GLRA2: variants seen among roughly 807,000 people sequenced by gnomAD.
GLRA2 encodes glycine receptor subunit alpha-2.
GLRA2 carries 11 observed loss-of-function variants against 31.6 expected under a neutral mutation model. That is an observed-to-expected ratio of 0.35 (90% CI 0.22 to 0.58). The LOEUF is 0.58. Ranked by LOEUF, GLRA2 falls within the 20% of genes least tolerant of loss-of-function variation. The pLI is 0.84. For synonymous variants in GLRA2, 132 were observed against 134.0 expected (o/e 0.99, Z 0.10); for missense variants, 212 against 351.8 (o/e 0.60, Z 3.18).
chrX:14,562,894 T>C (rs1473484852), intron 2 of GLRA2, among the ~76,000 whole-genome samples: 1 of 111,707 alleles, frequency 9.0e-6, no homozygotes, highest in Non-Finnish European at 1.9e-5. Flanking sequence ...ATTCAGCCTA[T>C]GACAATGCTC....
At chrX:14,680,396 CTTAG>C (rs1412666210) in intron 7 of GLRA2, among the ~76,000 whole-genome samples, 4 of 112,031 alleles carry the variant, frequency 3.6e-5, no homozygotes, top group Non-Finnish European at 7.5e-5. Flanking sequence ...AAGATACCAA[CTTAG>C]TTAATCATAA....
intron 7 of GLRA2, among the ~76,000 whole-genome samples, chrX:14,624,357 C>T (rs2090562411): frequency 9.0e-6 from 1 of 111,520 alleles, no homozygotes; most frequent in African/African-American, 3.3e-5. Context: ...TCCTTCAGTT[C>T]TGCTCTGATC....
chrX:14,576,249 A>T (rs776385314), intron 3 of GLRA2, among the ~76,000 whole-genome samples: 1 of 111,504 alleles, frequency 9.0e-6, no homozygotes. Context: ...TTTTGATATT[A>T]TTCTGAAACA....
intron 7 of GLRA2, among the ~76,000 whole-genome samples, chrX:14,648,136 T>G (rs1208579440): frequency 8.9e-6 from 1 of 112,530 alleles, no homozygotes; most frequent in Non-Finnish European, 1.9e-5. Flanking sequence ...ATTGTATTCC[T>G]TTGTTTATGT....
chrX:14,544,594 A>T (rs2089453280), intron 2 of GLRA2, among the ~76,000 whole-genome samples: 2 of 111,642 alleles, frequency 1.8e-5, no homozygotes, highest in Non-Finnish European at 3.8e-5. Context: ...ACTTGTGCAG[A>T]TTTAAGATTA....
chrX:14,480,146 G>T, the GLRA2 span, among the ~76,000 whole-genome samples: 1 of 111,561 alleles, frequency 9.0e-6, no homozygotes, highest in Non-Finnish European at 1.9e-5. Context: ...TTTCATGTTT[G>T]TCTGTGTATA....
chrX:14,721,252 T>A (rs2091862042), intron 8 of GLRA2, among the ~76,000 whole-genome samples: 1 of 111,098 alleles, frequency 9.0e-6, no homozygotes, highest in Non-Finnish European at 1.9e-5. Flanking sequence ...GTTTTAGAGA[T>A]GTATTGCATA....
In GLRA2 at chrX:14,629,690, A is replaced by T. The variant is rs1012349264; in HGVS notation, c.930+20485A>T. On this transcript the variant is annotated intron_variant, in intron 7 of 8. Coordinates refer to ENST00000218075, the MANE Select transcript of GLRA2 (RefSeq NM_002063.4). ...GTAAACTTTTCCTACCTTCTTTTGG[A>T]TATCGTATTTTTTAATGCATGTAGC... Among the ~76,000 whole-genome samples the T allele has an allele frequency of 2.7e-5, 3 of 110,730 alleles. No homozygotes were observed. In the South Asian group the frequency reaches 1.1e-3, roughly 42 times the overall value.
chrX:14,460,513 G>T, the GLRA2 span, among the ~76,000 whole-genome samples: 1 of 111,597 alleles, frequency 9.0e-6, no homozygotes, highest in Admixed American at 9.5e-5. Context: ...GGGCTGTTTT[G>T]GTTGGTTGGC....
chrX:14,524,742 T>G (rs770573325), upstream of GLRA2, among the ~76,000 whole-genome samples: 7 of 105,238 alleles, frequency 6.7e-5, no homozygotes, highest in Non-Finnish European at 1.2e-4. Context: ...TTCAACATAT[T>G]TGTGTGTGTG....
chrX:14,537,229 T>A (rs2089338075), intron 2 of GLRA2, among the ~76,000 whole-genome samples: 1 of 111,706 alleles, frequency 9.0e-6, no homozygotes, highest in Non-Finnish European at 1.9e-5. Context: ...AATGTTGTGT[T>A]TGTATATGCA....
chrX:14,463,086 C>T, the GLRA2 span, among the ~76,000 whole-genome samples: 8 of 111,772 alleles, frequency 7.2e-5, no homozygotes, highest in African/African-American at 2.6e-4. Flanking sequence ...TGTTAGTTTT[C>T]CTTCTAGCAG....
At chrX:14,620,053 A>G (rs1031383770) in intron 7 of GLRA2, among the ~76,000 whole-genome samples, 1 of 108,675 alleles carries the variant, frequency 9.2e-6, no homozygotes, top group African/African-American at 3.3e-5. Flanking sequence ...GGCTGCATAT[A>G]GTATGTTATT....
chrX:14,505,589 A>G, the GLRA2 span, among the ~76,000 whole-genome samples: 1 of 112,008 alleles, frequency 8.9e-6, no homozygotes, highest in Non-Finnish European at 1.9e-5. Context: ...ACATCTGGCC[A>G]TGGGTTAGAC....
intron 7 of GLRA2, among the ~76,000 whole-genome samples, chrX:14,667,734 C>T (rs909333955): frequency 9.0e-6 from 1 of 110,822 alleles, no homozygotes; most frequent in Non-Finnish European, 1.9e-5. Context: ...CAAATTTTTC[C>T]AAATTCTGGA....
At chrX:14,587,704 A>C (rs1046975712) in intron 4 of GLRA2, among the ~76,000 whole-genome samples, 7 of 111,844 alleles carry the variant, frequency 6.3e-5, no homozygotes, top group Admixed American at 2.9e-4. Flanking sequence ...TATCAGATGC[A>C]TAGTTTGTGA....
At chrX:14,531,090 A>C in intron 1 of GLRA2, 1 of 950,022 alleles carries the variant, frequency 1.1e-6, no homozygotes, top group Non-Finnish European at 1.4e-6. Context: ...GGTTTTTATT[A>C]GAATCATCAT....
chrX:14,451,211 A>G, the GLRA2 span, among the ~76,000 whole-genome samples: 1 of 111,916 alleles, frequency 8.9e-6, no homozygotes, highest in Non-Finnish European at 1.9e-5. Context: ...CATAGCCCAC[A>G]GACCCTATAA....
At chrX:14,493,015 A>G in the GLRA2 span, among the ~76,000 whole-genome samples, 4 of 111,176 alleles carry the variant, frequency 3.6e-5, no homozygotes, top group Admixed American at 3.8e-4. Context: ...CGAGGTCACT[A>G]ATCCCATTCA....
Sources: allele counts gnomAD v4.1 joint callset (sites outside exome capture counted in the v4.1 genomes callset), GRCh38; gene constraint gnomAD v4.1.1; transcripts MANE v1.5; gene names NCBI Gene and HGNC (gene_info 2026-07-23, HGNC 2026-07-21).